Variants in SFXN4 observed in about 807,000 individuals in gnomAD.
SFXN4 encodes the protein sideroflexin-4.
SFXN4 carries 48 observed loss-of-function variants against 54.6 expected under a neutral mutation model. The ratio of observed to expected loss-of-function variants is 0.88; its 90% confidence interval spans 0.70 to 1.12. The LOEUF (loss-of-function observed/expected upper bound fraction) is 1.12. Among genes scored for constraint, SFXN4 ranks in the 50% most tolerant of loss-of-function variants. The pLI is 0.00. For synonymous variants in SFXN4, 130 were observed against 145.5 expected, an observed-to-expected ratio of 0.89 and a Z score of 0.77; for missense variants, 383 against 409.2, an observed-to-expected ratio of 0.94 and a Z score of 0.55.
In SFXN4 at chr10:119,158,076, A is replaced by G. The variant is rs1407387875; in HGVS notation, c.361-14T>C. 4 of 1,612,352 alleles carry G rather than the reference A, an allele frequency of 2.5e-6. No homozygotes were observed. Among genetic ancestry groups the G allele is most frequent in the Non-Finnish European group, 3.4e-6 (4 of 1,178,430 alleles). On this transcript the variant is annotated splice_polypyrimidine_tract_variant and intron_variant, in intron 6 of 13. Coordinates refer to ENST00000355697, the MANE Select transcript of SFXN4 (RefSeq NM_213649.2). ...TGACAAAAATACCTTTTAAGAAGAC[A>G]GTGGAACAGAGTTACAAGTGTTGCT...
chr10:119,154,413 G>A (rs1209111456), intron 11 of SFXN4, among the ~76,000 whole-genome samples: 1 of 152,190 alleles, frequency 6.6e-6, no homozygotes, highest in African/African-American at 2.4e-5. Flanking sequence ...CTGCCCAGGT[G>A]CGGTGGTGCA....
chr10:119,162,610 C>G (rs905768252), intron 2 of SFXN4, among the ~76,000 whole-genome samples, 196 bp from the exon 3 acceptor site: 14 of 152,124 alleles, frequency 9.2e-5, no homozygotes, highest in Non-Finnish European at 4.4e-5. Context: ...CCTTCCTCTT[C>G]CTAGATGCTC....
chr10:119,163,955 G>A (rs1023380640), intron 2 of SFXN4, among the ~76,000 whole-genome samples, 176 bp downstream of exon 2: 4 of 148,762 alleles, frequency 2.7e-5, no homozygotes, highest in African/African-American at 5.0e-5. Flanking sequence ...CAGGAGAATC[G>A]CTTGAACCTG....
At chr10:119,143,641 C>A (rs1385738348) in intron 13 of SFXN4, among the ~76,000 whole-genome samples, 2 of 152,074 alleles carry the variant, frequency 1.3e-5, no homozygotes, top group Non-Finnish European at 2.9e-5. Flanking sequence ...CTGTGCCCAG[C>A]CAAATTTTTA....
intron 11 of SFXN4, among the ~76,000 whole-genome samples, chr10:119,148,912 G>T (rs1012511071): frequency 2.6e-5 from 4 of 151,810 alleles, no homozygotes; most frequent in Non-Finnish European, 5.9e-5. Context: ...TTAGAGACAG[G>T]GTCTCACTCT....
chr10:119,159,457 G>A (rs967111960), intron 6 of SFXN4, among the ~76,000 whole-genome samples: 2 of 152,062 alleles, frequency 1.3e-5, no homozygotes, highest in African/African-American at 4.8e-5. Context: ...CGTGCTCTGC[G>A]CATACTTGGT....
chr10:119,147,865 C>CA lies in SFXN4; in HGVS notation c.733-6dup. On this transcript the variant is annotated splice_region_variant and splice_polypyrimidine_tract_variant and intron_variant, in intron 11 of 13. Transcript: ENST00000355697. The stretch of plus-strand genomic sequence containing the variant: ...TGCTAGCGTTTCTCTAACAGCCTAG[C>CA]AAAAATGAAAAGAAAACAGCTTAGG... 1 of 1,613,496 alleles carries CA rather than the reference C, an allele frequency of 6.2e-7. No homozygotes were observed. Among genetic ancestry groups the CA allele is most frequent in the Non-Finnish European group, 8.5e-7 (1 of 1,179,552 alleles).
At chr10:119,165,496 G>A (rs376723618) in intron 1 of SFXN4, 41 bp downstream of exon 1, 1 of 1,522,762 alleles carries the variant, frequency 6.6e-7, no homozygotes, top group Non-Finnish European at 8.7e-7. Context: ...GGCCCGGCCC[G>A]CCCCCTCCCT....
intron 2 of SFXN4, among the ~76,000 whole-genome samples, chr10:119,163,774 T>A (rs1043169555): frequency 1.3e-5 from 2 of 152,024 alleles, no homozygotes; most frequent in African/African-American, 4.8e-5. Context: ...ATAATATATG[T>A]AGATTCTGTT....
intron 1 of SFXN4, 86 bp from the exon 2 acceptor site, chr10:119,164,282 T>TTTTTC: frequency 1.2e-6 from 1 of 845,084 alleles, no homozygotes; most frequent in Non-Finnish European, 1.9e-6. Context: ...TTTTTTTTTT[T>TTTTTC]TCTGAGAACC....
chr10:119,145,874 G>A (rs1056617349), intron 13 of SFXN4, among the ~76,000 whole-genome samples: 1 of 152,170 alleles, frequency 6.6e-6, no homozygotes, highest in African/African-American at 2.4e-5. Flanking sequence ...CCAGGCTGGA[G>A]TGCAGTGGTG....
chr10:119,152,225 C>CG (rs1202252988), intron 11 of SFXN4, among the ~76,000 whole-genome samples: 1 of 44,194 alleles, frequency 2.3e-5, no homozygotes, highest in Non-Finnish European at 4.7e-5. Context: ...ATGTCTCTTT[C>CG]GGGCGTTTTT....
At chr10:119,142,156 T>C (rs1250621847) in intron 13 of SFXN4, among the ~76,000 whole-genome samples, 2 of 152,068 alleles carry the variant, frequency 1.3e-5, no homozygotes, top group East Asian at 3.8e-4. Flanking sequence ...GCCATGATCA[T>C]ACCACTGCCC....
chr10:119,145,346 C>T (rs1201241674), intron 13 of SFXN4, among the ~76,000 whole-genome samples: 4 of 145,576 alleles, frequency 2.7e-5, no homozygotes, highest in Non-Finnish European at 6.0e-5. Flanking sequence ...CAGAGTCTCA[C>T]TCTGTCACCC....
chr10:119,144,634 T>C (rs1474425843), intron 13 of SFXN4, among the ~76,000 whole-genome samples: 2 of 152,144 alleles, frequency 1.3e-5, no homozygotes, highest in South Asian at 2.1e-4. Flanking sequence ...TTCAGCTCTC[T>C]TTAACAGATA....
rs1847330212 is a variant in SFXN4 at position 119,157,734 on chromosome 10, C to T, written c.472-1G>A. On this transcript the variant is annotated splice_acceptor_variant, in intron 8 of 13. Coordinates refer to ENST00000355697, the MANE Select transcript of SFXN4 (RefSeq NM_213649.2). LOFTEE classifies it high-confidence loss of function. ...ATGATCTTTCTAGTGGCTTACAAGT[C>T]TAAGGAGAAACAAAAGTACTTAATT... 2 of 1,609,446 alleles carry T rather than the reference C, an allele frequency of 1.2e-6. No individual in the cohort carries two copies. Among genetic ancestry groups the T allele is most frequent in the Non-Finnish European group, 1.7e-6 (2 of 1,177,980 alleles).
chr10:119,158,154 G>T, intron 6 of SFXN4, 92 bp from the exon 7 acceptor site: 1 of 1,213,364 alleles, frequency 8.2e-7, no homozygotes, highest in Non-Finnish European at 1.2e-6. Flanking sequence ...AGGGAGAATT[G>T]AGCCCCCAAG....
In SFXN4 at chr10:119,162,346, G is replaced by C. The variant is rs148864064; in HGVS notation, c.246C>G (p.Asp82Glu). 2.5e-6 allele frequency: 4 copies of C among 1,613,904 alleles called. No individual in the cohort carries two copies. In the African/African-American group the frequency reaches 5.3e-5, roughly 22 times the overall value. The change falls in exon 3 of 14, where the codon GAC (aspartate) becomes GAG (glutamate). Residue 82 changes from aspartate to glutamate, a missense_variant. By Grantham distance (45) the Asp-to-Glu change is conservative. Coordinates refer to ENST00000355697, the MANE Select transcript of SFXN4 (RefSeq NM_213649.2). Reference protein sequence around the residue: ...NEDVSSPASADQRIQEAWKRS... With the variant: ...NEDVSSPASAEQRIQEAWKRS... ...CTGAGCACGTGAAACATACCCTTTG[G>C]TCCGCCGAGGCAGGGCTGGAAACAT...
At chr10:119,145,133 A>G (rs1846732819) in intron 13 of SFXN4, among the ~76,000 whole-genome samples, 1 of 152,054 alleles carries the variant, frequency 6.6e-6, no homozygotes, top group Non-Finnish European at 1.5e-5. Flanking sequence ...AGGTTTGAAC[A>G]ATGCAGGTCC....
Sources: gnomAD v4.1 joint callset for allele counts (sites outside exome capture counted in the v4.1 genomes callset) on GRCh38, gnomAD v4.1.1 for gene constraint, MANE v1.5 for transcripts, NCBI Gene and HGNC (gene_info 2026-07-23, HGNC 2026-07-21) for gene names.